GLRA2: variants seen among roughly 807,000 people sequenced by gnomAD.
GLRA2 encodes the protein glycine receptor alpha 2.
GLRA2 carries 11 observed loss-of-function variants against 31.6 expected under a neutral mutation model. The observed-to-expected ratio is 0.35, with a 90% CI of 0.22 to 0.58. The LOEUF (loss-of-function observed/expected upper bound fraction) is 0.58. Ranked by LOEUF, GLRA2 falls within the 20% of genes least tolerant of loss-of-function variation. GLRA2 has a pLI of 0.84. For missense variants in GLRA2, 212 were observed against 351.8 expected (o/e 0.60, Z 3.18); for synonymous variants, 132 against 134.0 (o/e 0.99, Z 0.10).
the GLRA2 span, among the ~76,000 whole-genome samples, chrX:14,502,927 G>C: frequency 9.6e-6 from 1 of 103,957 alleles, no homozygotes; most frequent in South Asian, 4.5e-4. Flanking sequence ...GACTACAAAA[G>C]GACACTTGTT....
chrX:14,655,420 C>T (rs186675525), intron 7 of GLRA2, among the ~76,000 whole-genome samples: 3 of 111,446 alleles, frequency 2.7e-5, no homozygotes, highest in Non-Finnish European at 5.7e-5. Context: ...GCGAGGTCAC[C>T]TGTAACAGGC....
chrX:14,571,430 C>T (rs1040484801), intron 2 of GLRA2, among the ~76,000 whole-genome samples: 2 of 112,025 alleles, frequency 1.8e-5, no homozygotes, highest in Non-Finnish European at 3.8e-5. Flanking sequence ...AAAGAACTTG[C>T]AGGTCAACTT....
At chrX:14,500,793 T>C in the GLRA2 span, among the ~76,000 whole-genome samples, 1 of 111,469 alleles carries the variant, frequency 9.0e-6, no homozygotes, top group Non-Finnish European at 1.9e-5. Context: ...CATATTTTAA[T>C]TATTAGACAT....
At chrX:14,647,065 C>T (rs977687260) in intron 7 of GLRA2, among the ~76,000 whole-genome samples, 2 of 111,433 alleles carry the variant, frequency 1.8e-5, no homozygotes, top group African/African-American at 6.5e-5. Context: ...AGATGTTGGG[C>T]AGTGCACAGA....
intron 2 of GLRA2, among the ~76,000 whole-genome samples, chrX:14,538,437 T>C (rs1382412596): frequency 8.9e-6 from 1 of 112,037 alleles, no homozygotes; most frequent in Non-Finnish European, 1.9e-5. Context: ...GCTGCTTGAT[T>C]TTCTAAATGG....
intron 2 of GLRA2, among the ~76,000 whole-genome samples, chrX:14,538,489 C>T (rs1229185870): frequency 1.8e-5 from 2 of 111,411 alleles, no homozygotes; most frequent in African/African-American, 6.5e-5. Context: ...TAGATTCCTA[C>T]CAGAGTAACC....
chrX:14,710,140 G>C (rs1453176933), intron 8 of GLRA2, among the ~76,000 whole-genome samples: 2 of 111,606 alleles, frequency 1.8e-5, no homozygotes, highest in Non-Finnish European at 3.8e-5. Context: ...AAGTTGGCAG[G>C]AAGACATCGA....
At chrX:14,621,741 AT>A (rs2090521772) in intron 7 of GLRA2, among the ~76,000 whole-genome samples, 1 of 111,871 alleles carries the variant, frequency 8.9e-6, no homozygotes, top group Non-Finnish European at 1.9e-5. Flanking sequence ...TATGTGCCAC[AT>A]TTTCTTAATC....
chrX:14,594,918 C>T (rs1199659074), intron 4 of GLRA2, among the ~76,000 whole-genome samples: 1 of 98,631 alleles, frequency 1.0e-5, no homozygotes, highest in African/African-American at 3.8e-5. Context: ...CATTTATCTC[C>T]TCTACATCCC....
intron 2 of GLRA2, among the ~76,000 whole-genome samples, chrX:14,551,629 T>G (rs751447059): frequency 8.9e-6 from 1 of 111,938 alleles, no homozygotes; most frequent in Non-Finnish European, 1.9e-5. Flanking sequence ...AAATTTGTGA[T>G]GTACTTAAAC....
intron 5 of GLRA2, among the ~76,000 whole-genome samples, chrX:14,605,732 A>T (rs1487976383): frequency 9.0e-6 from 1 of 111,634 alleles, no homozygotes; most frequent in Admixed American, 9.5e-5. Context: ...GGGAATTATT[A>T]TTTTTTTCCT....
At position 14,570,228 on chromosome X, in the gene GLRA2, T is replaced by C. The variant is rs781770298; in HGVS notation, c.203-4105T>C. Among the ~76,000 whole-genome samples the C allele has an allele frequency of 6.2e-5, 7 of 112,110 alleles. No individual in the cohort carries two copies. In the South Asian group the frequency reaches 2.2e-3, roughly 36 times the overall value. On this transcript the variant is annotated intron_variant, in intron 2 of 8. Coordinates refer to ENST00000218075, the MANE Select transcript of GLRA2 (RefSeq NM_002063.4). ...AATGCCACTGAATATAGTTTAAATA[T>C]ATATTTATATAAAACAAATAACATG... is the stretch of plus-strand genomic sequence containing the variant.
At chrX:14,458,612 C>G in the GLRA2 span, among the ~76,000 whole-genome samples, 19 of 112,522 alleles carry the variant, frequency 1.7e-4, no homozygotes, top group African/African-American at 5.8e-4. Context: ...TTGCATTTCT[C>G]TGATGGCCAG....
At chrX:14,650,314 A>G (rs1390167446) in intron 7 of GLRA2, among the ~76,000 whole-genome samples, 1 of 110,804 alleles carries the variant, frequency 9.0e-6, no homozygotes, top group Non-Finnish European at 1.9e-5. Context: ...AGAGTAGCAG[A>G]CATAAGAAAA....
the GLRA2 span, among the ~76,000 whole-genome samples, chrX:14,507,688 T>G: frequency 1.1e-5 from 1 of 90,428 alleles, no homozygotes; most frequent in Non-Finnish European, 2.2e-5. Context: ...CGAAAGACAT[T>G]CTTTTTTTTT....
intron 7 of GLRA2, among the ~76,000 whole-genome samples, chrX:14,632,473 C>T (rs1319983285): frequency 9.0e-6 from 1 of 111,260 alleles, no homozygotes; most frequent in Non-Finnish European, 1.9e-5. Context: ...AATATATCAT[C>T]CATGAACTCT....
intron 7 of GLRA2, among the ~76,000 whole-genome samples, chrX:14,673,815 C>A (rs188337195): frequency 3.6e-5 from 4 of 112,310 alleles, no homozygotes; most frequent in Non-Finnish European, 5.6e-5. Flanking sequence ...ATGAAGATTG[C>A]GGTTATCTGC....
At chrX:14,624,695 A>G (rs7890019) in intron 7 of GLRA2, among the ~76,000 whole-genome samples, 7,212 of 111,610 alleles carry the variant, frequency 0.065, 278 homozygotes, top group African/African-American at 0.13. Flanking sequence ...TTCTAATTTG[A>G]TTGCACTGTG....
At chrX:14,644,302 C>T (rs970592837) in intron 7 of GLRA2, among the ~76,000 whole-genome samples, 2 of 111,622 alleles carry the variant, frequency 1.8e-5, no homozygotes, top group African/African-American at 6.5e-5. Context: ...ACATCTCTTG[C>T]TTTGTTGGAT....
Sources: gnomAD v4.1 joint callset for allele counts (sites outside exome capture counted in the v4.1 genomes callset) on GRCh38, gnomAD v4.1.1 for gene constraint, MANE v1.5 for transcripts, NCBI Gene and HGNC (gene_info 2026-07-23, HGNC 2026-07-21) for gene names.